ZNF385D: variants seen among roughly 807,000 people sequenced by gnomAD.
The protein encoded by ZNF385D is zinc finger protein 659.
Under a neutral mutation model 35.8 loss-of-function variants are expected in ZNF385D, and 15 were observed. The ratio of observed to expected loss-of-function variants is 0.42; its 90% CI spans 0.28 to 0.64. ZNF385D has a LOEUF of 0.64. ZNF385D is among the 30% of genes least tolerant of loss of function. ZNF385D has a pLI of 0.23. For synonymous variants in ZNF385D, 212 were observed against 186.8 expected, an observed-to-expected ratio of 1.13 and a Z score of -1.10; for missense variants, 474 against 494.6, an observed-to-expected ratio of 0.96 and a Z score of 0.39.
intron 3 of ZNF385D, among the ~76,000 whole-genome samples, chr3:21,552,964 A>G (rs1330985005): frequency 1.3e-5 from 2 of 152,188 alleles, no homozygotes; most frequent in Non-Finnish European, 2.9e-5. Flanking sequence ...GAGGCAGAAG[A>G]GTGAGGCAAT....
intron 3 of ZNF385D, among the ~76,000 whole-genome samples, chr3:21,969,261 T>C (rs1430593030): frequency 6.6e-6 from 1 of 152,164 alleles, no homozygotes; most frequent in African/African-American, 2.4e-5. Context: ...AAATCTCATC[T>C]TGACTTGCAT....
At chr3:22,073,098 G>A (rs1700304152) in intron 3 of ZNF385D, among the ~76,000 whole-genome samples, 2 of 151,924 alleles carry the variant, frequency 1.3e-5, no homozygotes, top group African/African-American at 2.4e-5. Flanking sequence ...ATCCATAAGG[G>A]CAGAGACAAG....
intron 3 of ZNF385D, among the ~76,000 whole-genome samples, chr3:21,868,979 A>G (rs554381452): frequency 2.6e-5 from 4 of 152,060 alleles, no homozygotes; most frequent in Non-Finnish European, 5.9e-5. Context: ...GAACATTATA[A>G]TGCTGCAACA....
chr3:21,564,782 C>CAATCT, intron 2 of ZNF385D, 98 bp from the exon 3 acceptor site: 3 of 539,698 alleles, frequency 5.6e-6, no homozygotes, highest in Non-Finnish European at 9.5e-6. Context: ...TGTACAGCTT[C>CAATCT]AATCTACTGC....
In ZNF385D at chr3:22,123,922, ATCTCTCTCTCTC is replaced by A. The variant is rs34781505; in HGVS notation, c.325+44883_325+44894del. On this transcript the variant is annotated intron_variant, in intron 3 of 5. Transcript: ENST00000494108. ...AAAACAAAAACTAGAGCTAGACTCC[ATCTCTCTCTCTC>A]TCTCTCTCTCTCTCTCTCTCTCTCT... is the stretch of plus-strand genomic sequence containing the variant. 2.9e-3 allele frequency among the ~76,000 whole-genome samples: 234 copies of A among 80,268 alleles called. 2 individuals carry two copies. The highest frequency in any genetic ancestry group is 5.0e-3 in the African/African-American group (98 of 19,724). 52.7% of individuals were successfully genotyped at this position (80,268 alleles called of 152,430 possible).
intron 2 of ZNF385D, among the ~76,000 whole-genome samples, chr3:21,617,068 A>T (rs2064869641): frequency 6.6e-6 from 1 of 152,202 alleles, no homozygotes; most frequent in South Asian, 2.1e-4. Flanking sequence ...AAATTTGAGC[A>T]ATCTCCTCTC....
intron 1 of ZNF385D, among the ~76,000 whole-genome samples, chr3:21,689,092 A>T (rs1280472180): frequency 1.3e-5 from 2 of 151,548 alleles, no homozygotes; most frequent in Non-Finnish European, 2.9e-5. Context: ...TGATGTAAAA[A>T]GATTTAGAAT....
At chr3:22,123,382 G>A (rs1016374388) in intron 3 of ZNF385D, among the ~76,000 whole-genome samples, 7 of 152,030 alleles carry the variant, frequency 4.6e-5, no homozygotes, top group Admixed American at 6.6e-5. Flanking sequence ...ATATTTTGGT[G>A]TATATATTGA....
Position 21,587,401 on chromosome 3 carries a change from T to C in ZNF385D, c.166-22717A>G, listed in dbSNP as rs1248948310. On this transcript the variant is annotated intron_variant, in intron 2 of 7. Coordinates refer to ENST00000281523, the MANE Select transcript of ZNF385D (RefSeq NM_024697.3). The stretch of plus-strand genomic sequence containing the variant: ...GGAGAGACTGGGGACATTTTTAGGA[T>C]ACAGGCTTTTAAGTCAGCAATACCT... Among the ~76,000 whole-genome samples the C allele has an allele frequency of 3.3e-5, 5 of 152,162 alleles. No individual in the cohort carries two copies. In the East Asian group the frequency reaches 9.7e-4, roughly 29 times the overall value.
chr3:22,328,797 C>T (rs1254271750), intron 2 of ZNF385D, among the ~76,000 whole-genome samples: 2 of 143,248 alleles, frequency 1.4e-5, no homozygotes, highest in African/African-American at 5.2e-5. Context: ...GTTTATTGGC[C>T]GGGCGCGGTG....
At chr3:21,684,388 CTCTCTCTCTCTCTCTCCTCTCTCT>C (rs1559516597) in intron 1 of ZNF385D, among the ~76,000 whole-genome samples, 3 of 86,964 alleles carry the variant, frequency 3.4e-5, no homozygotes, top group Admixed American at 1.3e-4. Flanking sequence ...CTCTCTCTCT[CTCTCTCTCTCTCTCTCCTCTCTCT>C]CTCTCTCTCT....
chr3:21,768,684 T>C (rs2070941450), intron 3 of ZNF385D, among the ~76,000 whole-genome samples: 1 of 151,976 alleles, frequency 6.6e-6, no homozygotes, highest in East Asian at 1.9e-4. Flanking sequence ...TGTGCTTTGA[T>C]CACTGACTGT....
Position 22,011,644 on chromosome 3 carries a change from A to G in ZNF385D, c.325+157173T>C, listed in dbSNP as rs185731345. On this transcript the variant is annotated intron_variant, in intron 3 of 5. Coordinates refer to the ZNF385D transcript ENST00000494108. ...AGTAAATTAGGAAAGTTGTATTAATAAGTATGGTTATAAATATCTAATGAT... is the reference window on the plus strand; with the variant it reads ...AGTAAATTAGGAAAGTTGTATTAATGAGTATGGTTATAAATATCTAATGAT... 1.1e-4 allele frequency among the ~76,000 whole-genome samples: 16 copies of G among 152,256 alleles called. No individual in the cohort carries two copies. The East Asian group carries it at 3.1e-3, about 29-fold the overall frequency.
intron 2 of ZNF385D, among the ~76,000 whole-genome samples, chr3:22,356,800 A>G (rs536431658): frequency 6.6e-6 from 1 of 151,954 alleles, no homozygotes; most frequent in East Asian, 1.9e-4. Context: ...AGAAAGATAG[A>G]TAGATAGCTC....
intron 2 of ZNF385D, among the ~76,000 whole-genome samples, chr3:21,566,522 C>G (rs369036652): frequency 6.6e-6 from 1 of 151,920 alleles, no homozygotes; most frequent in Non-Finnish European, 1.5e-5. Context: ...CCCAGGTATT[C>G]GGGAGGCTGA....
intron 4 of ZNF385D, among the ~76,000 whole-genome samples, chr3:21,448,649 T>A (rs1702282958): frequency 6.6e-6 from 1 of 152,176 alleles, no homozygotes; most frequent in Non-Finnish European, 1.5e-5. Flanking sequence ...TTAGAACTGT[T>A]TGGAAAATAA....
intron 2 of ZNF385D, among the ~76,000 whole-genome samples, chr3:22,180,244 T>G (rs2125777609): frequency 6.6e-6 from 1 of 152,272 alleles, no homozygotes; most frequent in East Asian, 1.9e-4. Context: ...AGGAAGAAGT[T>G]GAATCTCTGA....
At chr3:21,943,674 A>G (rs1701642953) in intron 3 of ZNF385D, among the ~76,000 whole-genome samples, 1 of 152,172 alleles carries the variant, frequency 6.6e-6, no homozygotes, top group Non-Finnish European at 1.5e-5. Context: ...ACTGTGTGCT[A>G]TAACTAATGT....
intron 2 of ZNF385D, among the ~76,000 whole-genome samples, chr3:22,210,198 C>T (rs1697430239): frequency 6.6e-6 from 1 of 151,752 alleles, no homozygotes; most frequent in Admixed American, 6.6e-5. Context: ...TAGAGAGCTG[C>T]ATTAATAATC....
Sources: gnomAD v4.1 joint callset for allele counts (sites outside exome capture counted in the v4.1 genomes callset) on GRCh38, gnomAD v4.1.1 for gene constraint, MANE v1.5 for transcripts, NCBI Gene and HGNC (gene_info 2026-07-23, HGNC 2026-07-21) for gene names.